Variants in MANBA observed in about 807,000 individuals in gnomAD.
The protein encoded by MANBA is beta-mannosidase.
In MANBA, 83 loss-of-function variants were observed where a neutral mutation model predicts 111.1. The observed-to-expected ratio is 0.75, with a 90% CI of 0.63 to 0.90. The LOEUF (loss-of-function observed/expected upper bound fraction) is 0.90, where lower values mean the gene tolerates loss of function less well. Ranked by LOEUF, MANBA falls within the 40% of genes least tolerant of loss-of-function variation. MANBA has a pLI of 0.00. For synonymous variants in MANBA, 370 were observed against 378.7 expected (o/e 0.98, Z 0.27); for missense variants, 1,036 against 1,069.0 (o/e 0.97, Z 0.43).
At chr4:102,667,879 A>C (rs1731297830) in intron 10 of MANBA, 1 of 152,146 alleles carries the variant, frequency 6.6e-6, no homozygotes, top group African/African-American at 2.4e-5. Flanking sequence ...AGCACTATAA[A>C]AACTCAATAT....
chr4:102,752,518 C>G, intron 1 of MANBA: 1 of 717,590 alleles, frequency 1.4e-6, no homozygotes, highest in Non-Finnish European at 2.6e-6. Flanking sequence ...GATCTGGCTG[C>G]TCATGAAGAC....
At chr4:102,699,886 G>A (rs377103512) in intron 5 of MANBA, among the ~76,000 whole-genome samples, 2 of 150,290 alleles carry the variant, frequency 1.3e-5, no homozygotes. Context: ...ATGAGTTAGG[G>A]AGGATTCCCT....
chr4:102,716,182 G>A (rs1722321345), intron 4 of MANBA, among the ~76,000 whole-genome samples: 1 of 151,768 alleles, frequency 6.6e-6, no homozygotes, highest in African/African-American at 2.4e-5. Flanking sequence ...GGTGGTATAT[G>A]CCTGTAATCC....
In MANBA at chr4:102,632,322, G is replaced by A. The variant is rs570948312; in HGVS notation, c.2416-41C>T. The A allele has an allele frequency of 6.3e-6, 9 of 1,433,584 alleles. No individual in the cohort carries two copies. In the Admixed American group the frequency reaches 1.3e-4, roughly 21 times the overall value. 88.8% of individuals were successfully genotyped at this position (1,433,584 alleles called of 1,614,324 possible). On this transcript the variant is annotated intron_variant, in intron 16 of 16. Transcript: ENST00000647097. ...AAAAATGAATGAAGTGAAGGATGAG[G>A]GAAGAGTTATATAGTCTGTATACAG...
At position 102,631,889 on chromosome 4, in the gene MANBA, C is replaced by T; in HGVS notation, c.*168G>A. On this transcript the variant is annotated 3_prime_UTR_variant, in exon 17 of 17. Coordinates refer to ENST00000647097, the MANE Select transcript of MANBA (RefSeq NM_005908.4). ...GACATTGCCTGGGTAAACAGCCTCC[C>T]CTGAAAGTGTTCAGTGTACAACTCT... 1 of 686,450 alleles carries T rather than the reference C, an allele frequency of 1.5e-6. No homozygotes were observed. The highest frequency in any genetic ancestry group is 3.9e-4 in the Middle Eastern group (1 of 2,560). The allele number at this position is 686,450 out of a possible 1,614,324, so 42.5% of individuals were successfully genotyped here. A position where few individuals can be genotyped will look rare whatever the true frequency, so the allele number is the denominator to read the frequency against.
At chr4:102,688,942 A>G (rs1732346638) in intron 7 of MANBA, among the ~76,000 whole-genome samples, 1 of 152,238 alleles carries the variant, frequency 6.6e-6, no homozygotes, top group Non-Finnish European at 1.5e-5. Context: ...ATATAAACTT[A>G]CTAGTAATAT....
chr4:102,639,732 A>C lies in MANBA; in HGVS notation c.1995T>G (p.Ala665=). The C allele has an allele frequency of 1.2e-6, 2 of 1,614,130 alleles. No individual in the cohort carries two copies. The highest frequency in any genetic ancestry group is 1.7e-6 in the Non-Finnish European group (2 of 1,180,004). ...LYWQLNDIWQ[A]PSWASLEYGG... is the part of the protein sequence containing the mutation. ...GCTTACCAAGAGAAGCCCAGGAAGG[A>C]GCTTGCCAGATGTCATTCAACTGCC... The change falls in exon 14 of 17, where the codon GCT becomes GCG. Residue 665 remains alanine (A), a synonymous_variant. Coordinates refer to ENST00000647097, the MANE Select transcript of MANBA (RefSeq NM_005908.4).
rs140102178 is a variant in MANBA at position 102,703,024 on chromosome 4, C to T, written c.673+11414G>A. ...TGCATATACATATATATAACAGATG[C>T]CCAATATAGAAATTTAGAAAAGACA... On this transcript the variant is annotated intron_variant, in intron 5 of 16. Coordinates refer to ENST00000647097, the MANE Select transcript of MANBA (RefSeq NM_005908.4). Among the ~76,000 whole-genome samples, 3 of 152,276 alleles carry T rather than the reference C, an allele frequency of 2.0e-5. No individual in the cohort carries two copies. In the East Asian group the frequency reaches 5.8e-4, roughly 29 times the overall value.
chr4:102,707,082 T>G (rs1733330281), intron 5 of MANBA, among the ~76,000 whole-genome samples: 1 of 152,070 alleles, frequency 6.6e-6, no homozygotes, highest in Non-Finnish European at 1.5e-5. Flanking sequence ...ATCTCAGAGA[T>G]TCCCAAACAG....
intron 16 of MANBA, chr4:102,633,373 G>A (rs1729473456): frequency 7.5e-6 from 3 of 398,682 alleles, no homozygotes; most frequent in Non-Finnish European, 1.3e-5. Flanking sequence ...GACCAAGGCC[G>A]AAAGAGATGC....
Position 102,690,633 on chromosome 4 carries a change from C to T in MANBA, c.812G>A (p.Gly271Glu). ...CACAAATAGCTCAACAATCCTTTTC[C>T]CAGGTTGAAGTTCAATGCTGTATGT... ...QQTYSIELQP[G>E]KRIVELFVNI... The change falls in exon 6 of 17, where the codon GGG becomes GAG. Residue 271 changes from glycine to glutamate, a missense_variant. By Grantham distance (98) the Gly-to-Glu change is moderately conservative. Coordinates refer to ENST00000647097, the MANE Select transcript of MANBA (RefSeq NM_005908.4). 1 of 1,612,662 alleles carries T rather than the reference C, an allele frequency of 6.2e-7. No individual in the cohort carries two copies. The highest frequency in any genetic ancestry group is 8.5e-7 in the Non-Finnish European group (1 of 1,179,074).
intron 5 of MANBA, among the ~76,000 whole-genome samples, chr4:102,696,570 A>G (rs186793625): frequency 2.1e-4 from 32 of 152,320 alleles, no homozygotes; most frequent in African/African-American, 7.5e-4. Context: ...ATCAGGAACC[A>G]TAAGGACTAG....
chr4:102,757,105 G>T (rs979504735), intron 1 of MANBA, among the ~76,000 whole-genome samples: 2 of 152,134 alleles, frequency 1.3e-5, no homozygotes, highest in African/African-American at 4.8e-5. Flanking sequence ...CGAGGCAGGT[G>T]GATGGCCTGA....
intron 5 of MANBA, among the ~76,000 whole-genome samples, chr4:102,699,938 A>G (rs1711672850): frequency 6.6e-6 from 1 of 151,906 alleles, no homozygotes; most frequent in Admixed American, 6.6e-5. Flanking sequence ...GAATGGTACC[A>G]GTTCCTCCTT....
chr4:102,704,343 A>G (rs1025684867), intron 5 of MANBA, among the ~76,000 whole-genome samples: 1 of 152,044 alleles, frequency 6.6e-6, no homozygotes, highest in Admixed American at 6.6e-5. Flanking sequence ...ACACATGGCT[A>G]ATTTTTTTTA....
chr4:102,632,032 C>T lies in MANBA; in HGVS notation c.*25G>A, dbSNP rs1489476377. 1 of 1,529,986 alleles carries T rather than the reference C, an allele frequency of 6.5e-7. No individual in the cohort carries two copies. The allele number at this position is 1,529,986 out of a possible 1,614,324, so 94.8% of individuals were successfully genotyped here. The stretch of plus-strand genomic sequence containing the variant: ...TTAGAAATGCTTTATTCCCATTGTC[C>T]ACTGAAAATACAACCTAGATTCCTT... On this transcript the variant is annotated 3_prime_UTR_variant, in exon 17 of 17. Transcript: ENST00000647097.
intron 13 of MANBA, among the ~76,000 whole-genome samples, chr4:102,642,555 C>G (rs1011052039): frequency 1.3e-5 from 2 of 151,700 alleles, no homozygotes; most frequent in African/African-American, 4.8e-5. Flanking sequence ...TGCAGTGAGC[C>G]GAGATCAAGC....
intron 1 of MANBA, among the ~76,000 whole-genome samples, chr4:102,737,480 T>C (rs1408129645): frequency 6.6e-6 from 1 of 151,920 alleles, no homozygotes; most frequent in African/African-American, 2.4e-5. Context: ...GGTGTTTTTT[T>C]TGTTTGTTTG....
At chr4:102,644,493 A>C (rs768662869) in intron 13 of MANBA, among the ~76,000 whole-genome samples, 13 of 152,180 alleles carry the variant, frequency 8.5e-5, no homozygotes, top group Non-Finnish European at 1.5e-4. Flanking sequence ...ACTGGAGGAC[A>C]TCATGTTAAG....
Sources: allele counts gnomAD v4.1 joint callset (sites outside exome capture counted in the v4.1 genomes callset), GRCh38; gene constraint gnomAD v4.1.1; transcripts MANE v1.5; gene names NCBI Gene and HGNC (gene_info 2026-07-23, HGNC 2026-07-21).